Variants in SPOCK1 observed in about 807,000 individuals in gnomAD.
SPOCK1 encodes SPARC (osteonectin), cwcv and kazal like domains proteoglycan 1.
Under a neutral mutation model 55.3 loss-of-function variants are expected in SPOCK1, and 23 were observed. The observed-to-expected ratio is 0.42, with a 90% CI of 0.30 to 0.59. The LOEUF (loss-of-function observed/expected upper bound fraction) is 0.59, where lower values mean the gene tolerates loss of function less well. Ranked by LOEUF, SPOCK1 falls within the 20% of genes least tolerant of loss-of-function variation. The probability of loss-of-function intolerance (pLI) is 0.22; values close to 1 mark genes in which losing one functional copy is unlikely to be tolerated. For missense variants in SPOCK1, 499 were observed against 552.5 expected, an observed-to-expected ratio of 0.90 and a Z score of 0.97; for synonymous variants, 226 against 221.0, an observed-to-expected ratio of 1.02 and a Z score of -0.20.
chr5:136,980,165 T>G (rs1750701074), intron 9 of SPOCK1, among the ~76,000 whole-genome samples: 1 of 132,146 alleles, frequency 7.6e-6, no homozygotes. Context: ...GCTATTACTA[T>G]CTCCCTGTTT....
At chr5:137,202,283 T>A (rs1295340948) in intron 3 of SPOCK1, among the ~76,000 whole-genome samples, 1 of 152,186 alleles carries the variant, frequency 6.6e-6, no homozygotes, top group African/African-American at 2.4e-5. Flanking sequence ...TGGGGGAAGG[T>A]ATGGTTTGTC....
chr5:137,440,219 T>C (rs1339832370), intron 2 of SPOCK1, among the ~76,000 whole-genome samples: 3 of 152,128 alleles, frequency 2.0e-5, no homozygotes, highest in African/African-American at 7.2e-5. Context: ...GAAAGTTACA[T>C]TTATGTATTT....
chr5:137,185,257 T>C (rs1209999527), intron 3 of SPOCK1, among the ~76,000 whole-genome samples: 2 of 152,186 alleles, frequency 1.3e-5, no homozygotes, highest in Non-Finnish European at 1.5e-5. Flanking sequence ...TCTCTTTCCT[T>C]TGGAGGCCTA....
intron 2 of SPOCK1, among the ~76,000 whole-genome samples, chr5:137,345,810 A>G (rs1279311893): frequency 6.6e-6 from 1 of 152,304 alleles, no homozygotes; most frequent in South Asian, 2.1e-4. Flanking sequence ...GCCCTCCCAG[A>G]TCTTAAGGAA....
In SPOCK1 at chr5:137,418,433, T is replaced by G. The variant is rs545218668; in HGVS notation, c.186+79940A>C. 5.3e-5 allele frequency among the ~76,000 whole-genome samples: 8 copies of G among 152,126 alleles called. No homozygotes were observed. The East Asian group carries it at 1.5e-3, about 29-fold the overall frequency. On this transcript the variant is annotated intron_variant, in intron 2 of 10. Transcript: ENST00000394945. ...TACAGTCCCACCAACAGTGTAAAAGTGTTCCTATTTCTCCACATCCTCTCC... is the reference window on the plus strand; with the variant it reads ...TACAGTCCCACCAACAGTGTAAAAGGGTTCCTATTTCTCCACATCCTCTCC...
At chr5:137,248,788 G>C (rs1454120765) in intron 3 of SPOCK1, among the ~76,000 whole-genome samples, 1 of 152,198 alleles carries the variant, frequency 6.6e-6, no homozygotes, top group Non-Finnish European at 1.5e-5. Context: ...AAAATCAGTA[G>C]ACATCAATTA....
intron 3 of SPOCK1, among the ~76,000 whole-genome samples, chr5:137,188,937 C>T (rs866077928): frequency 6.6e-6 from 1 of 152,230 alleles, no homozygotes; most frequent in Non-Finnish European, 1.5e-5. Flanking sequence ...GAGAAAGTTT[C>T]AGTGCTCTAG....
At chr5:137,404,449 G>A (rs1449059375) in intron 2 of SPOCK1, among the ~76,000 whole-genome samples, 8 of 138,220 alleles carry the variant, frequency 5.8e-5, no homozygotes, top group South Asian at 4.5e-4. Flanking sequence ...TTGCACTGTC[G>A]CCCAGGCTGG....
chr5:137,203,787 T>C (rs1175708916), intron 3 of SPOCK1, among the ~76,000 whole-genome samples: 3 of 152,218 alleles, frequency 2.0e-5, no homozygotes, highest in East Asian at 1.9e-4. Flanking sequence ...ACGTTGCACA[T>C]GTAAACAAGA....
chr5:137,244,306 C>T (rs1756354296), intron 3 of SPOCK1, among the ~76,000 whole-genome samples: 1 of 152,120 alleles, frequency 6.6e-6, no homozygotes, highest in Non-Finnish European at 1.5e-5. Flanking sequence ...CAGATTTATG[C>T]TGGGACTTGG....
At chr5:137,089,264 C>T (rs1038557458) in intron 5 of SPOCK1, among the ~76,000 whole-genome samples, 1 of 152,214 alleles carries the variant, frequency 6.6e-6, no homozygotes, top group African/African-American at 2.4e-5. Flanking sequence ...ACAACAACAA[C>T]AAAACTTCAG....
intron 6 of SPOCK1, among the ~76,000 whole-genome samples, chr5:137,011,051 A>T (rs1056074719): frequency 1.1e-4 from 17 of 152,144 alleles, no homozygotes; most frequent in Admixed American, 2.6e-4. Context: ...AAACCATGGA[A>T]CGCTGCTTAC....
chr5:137,209,167 G>A (rs1755567469), intron 3 of SPOCK1, among the ~76,000 whole-genome samples: 1 of 152,158 alleles, frequency 6.6e-6, no homozygotes, highest in African/African-American at 2.4e-5. Flanking sequence ...ATTTCTGTAT[G>A]TAGCCTCTTG....
At chr5:137,337,881 A>G (rs1362286884) in intron 2 of SPOCK1, among the ~76,000 whole-genome samples, 1 of 152,186 alleles carries the variant, frequency 6.6e-6, no homozygotes, top group African/African-American at 2.4e-5. Context: ...GGTAGCAAGA[A>G]TACACTCTGG....
intron 2 of SPOCK1, among the ~76,000 whole-genome samples, chr5:137,412,594 C>T (rs1349904532): frequency 1.3e-5 from 2 of 152,202 alleles, no homozygotes; most frequent in Non-Finnish European, 2.9e-5. Context: ...GGTTGACCCA[C>T]TCAGAGCTCC....
At chr5:137,226,824 C>T (rs550534518) in intron 3 of SPOCK1, among the ~76,000 whole-genome samples, 173 of 152,284 alleles carry the variant, frequency 1.1e-3, no homozygotes, top group African/African-American at 3.9e-3. Flanking sequence ...GTATCTTATA[C>T]CTCACATGTT....
chr5:137,018,910 A>C (rs1751506260), intron 6 of SPOCK1, among the ~76,000 whole-genome samples: 1 of 152,224 alleles, frequency 6.6e-6, no homozygotes, highest in African/African-American at 2.4e-5. Context: ...CAATAGCAAG[A>C]CCATTAAGAA....
chr5:137,250,196 C>G (rs1756482273), intron 3 of SPOCK1, among the ~76,000 whole-genome samples: 1 of 152,216 alleles, frequency 6.6e-6, no homozygotes. Flanking sequence ...CATTTGCATA[C>G]TGTAATGGCA....
intron 2 of SPOCK1, among the ~76,000 whole-genome samples, chr5:137,296,044 A>AT (rs1757474175): frequency 1.3e-5 from 2 of 152,236 alleles, no homozygotes; most frequent in Admixed American, 1.3e-4. Flanking sequence ...CATGAATGGG[A>AT]TTAGTGCCCT....
Sources: allele counts gnomAD v4.1 joint callset (sites outside exome capture counted in the v4.1 genomes callset), GRCh38; gene constraint gnomAD v4.1.1; transcripts MANE v1.5; gene names NCBI Gene and HGNC (gene_info 2026-07-23, HGNC 2026-07-21).